NFXL1: variants seen among roughly 807,000 people sequenced by gnomAD.
NFXL1 encodes the protein NF-X1-type zinc finger protein NFXL1.
In NFXL1, 66 loss-of-function variants were observed where a neutral mutation model predicts 123.3. The ratio of observed to expected loss-of-function variants is 0.54; its 90% CI spans 0.44 to 0.66. NFXL1 has a LOEUF of 0.66. NFXL1 is among the 30% of genes least tolerant of loss of function. The probability of loss-of-function intolerance (pLI) is 0.00; values close to 1 mark genes in which losing one functional copy is unlikely to be tolerated. For synonymous variants in NFXL1, 346 were observed against 360.8 expected, an observed-to-expected ratio of 0.96 and a Z score of 0.46; for missense variants, 944 against 1,125.6, an observed-to-expected ratio of 0.84 and a Z score of 2.31.
intron 17 of NFXL1, among the ~76,000 whole-genome samples, 186 bp downstream of exon 17, chr4:47,878,339 C>A (rs1287532286): frequency 6.6e-6 from 1 of 151,866 alleles, no homozygotes; most frequent in African/African-American, 2.4e-5. Context: ...GGAATAAAGA[C>A]ACAGAACTAT....
intron 3 of NFXL1, among the ~76,000 whole-genome samples, chr4:47,907,471 T>C (rs191656894): frequency 6.6e-6 from 1 of 152,322 alleles, no homozygotes; most frequent in East Asian, 1.9e-4. Context: ...AAGTTTGAAA[T>C]TTGAGAGAAG....
At chr4:47,857,550 A>G (rs1000908335) in intron 19 of NFXL1, among the ~76,000 whole-genome samples, 1 of 152,158 alleles carries the variant, frequency 6.6e-6, no homozygotes, top group Admixed American at 6.5e-5. Flanking sequence ...TCACAATTTC[A>G]TTGACGACTT....
chr4:47,912,373 T>C (rs1020789157), intron 2 of NFXL1, among the ~76,000 whole-genome samples: 4 of 152,132 alleles, frequency 2.6e-5, no homozygotes, highest in African/African-American at 9.7e-5. Context: ...AAAGAGAAGC[T>C]GACAAGACAA....
chr4:47,849,810 C>T (rs1301372878), intron 22 of NFXL1, among the ~76,000 whole-genome samples: 1 of 152,130 alleles, frequency 6.6e-6, no homozygotes, highest in Non-Finnish European at 1.5e-5. Context: ...CAAGTCTCTA[C>T]ATAAATAGTG....
chr4:47,888,432 CTG>C (rs1303460453), intron 12 of NFXL1, among the ~76,000 whole-genome samples: 1 of 152,100 alleles, frequency 6.6e-6, no homozygotes, highest in Non-Finnish European at 1.5e-5. Flanking sequence ...TCTTTTATAA[CTG>C]TAGATGAAAC....
Position 47,898,798 on chromosome 4 carries a change from C to A in NFXL1, c.1048G>T (p.Ala350Ser). Reference sequence around the variant, plus strand: ...AGTGGACTTGCACAACTTCTTTCAGCTACTTTTTTGCCACAGACACACTTT... The same window carrying A: ...AGTGGACTTGCACAACTTCTTTCAGATACTTTTTTGCCACAGACACACTTT... ...RQKCVCGKKV[A>S]ERSCASPLWH... The change falls in exon 8 of 23, where the codon GCT becomes TCT. Residue 350 changes from alanine (A) to serine (S), a missense_variant. By Grantham distance (99) the Ala-to-Ser change is moderately conservative. Transcript: ENST00000507489. The A allele has an allele frequency of 6.2e-7, 1 of 1,613,920 alleles. No individual in the cohort carries two copies. The highest frequency in any genetic ancestry group is 8.5e-7 in the Non-Finnish European group (1 of 1,179,854).
intron 3 of NFXL1, among the ~76,000 whole-genome samples, chr4:47,910,021 A>G (rs1737749239): frequency 6.6e-6 from 1 of 152,224 alleles, no homozygotes; most frequent in African/African-American, 2.4e-5. Flanking sequence ...GTTTAATAAT[A>G]TTTACATTTA....
intron 11 of NFXL1, among the ~76,000 whole-genome samples, chr4:47,891,106 CTTTTTTTCT>C (rs1481766604): frequency 1.5e-5 from 2 of 133,236 alleles, no homozygotes; most frequent in African/African-American, 2.5e-5. Flanking sequence ...TTTTCTTTTT[CTTTTTTTCT>C]TTTTTTTTTT....
chr4:47,885,686 T>C (rs1712640946), intron 13 of NFXL1, 29 bp from the exon 14 acceptor site: 1 of 1,582,630 alleles, frequency 6.3e-7, no homozygotes, highest in African/African-American at 1.3e-5. Context: ...TTTTCAAAAA[T>C]TACTTTTAGT....
intron 3 of NFXL1, among the ~76,000 whole-genome samples, chr4:47,907,031 T>G (rs573586084): frequency 6.6e-6 from 1 of 152,182 alleles, no homozygotes; most frequent in African/African-American, 2.4e-5. Flanking sequence ...GTAAAACTAG[T>G]AGTAACAGTT....
rs545352375 is a variant in NFXL1 at position 47,885,491 on chromosome 4, C to T, written c.1824+7G>A. 14 of 1,606,320 alleles carry T rather than the reference C, an allele frequency of 8.7e-6. No individual in the cohort carries two copies. Among genetic ancestry groups the T allele is most frequent in the Non-Finnish European group, 1.2e-5 (14 of 1,173,842 alleles). On this transcript the variant is annotated splice_region_variant and intron_variant, in intron 14 of 22. Transcript: ENST00000507489. ...GCACTATTTCTCTAATAGTATTATT[C>T]CCTTACCCTGCCAGTCTGCTTTATT...
chr4:47,908,713 T>G (rs1359897229), intron 3 of NFXL1, among the ~76,000 whole-genome samples: 1 of 152,064 alleles, frequency 6.6e-6, no homozygotes, highest in African/African-American at 2.4e-5. Flanking sequence ...CCCAGCACTT[T>G]GGGAGGCCGA....
At chr4:47,886,401 A>G (rs1736434254) in intron 12 of NFXL1, among the ~76,000 whole-genome samples, 1 of 151,928 alleles carries the variant, frequency 6.6e-6, no homozygotes, top group Admixed American at 6.6e-5. Flanking sequence ...CAGGGTCTCA[A>G]CCTGTTGCTC....
chr4:47,898,569 T>G (rs977198861), intron 8 of NFXL1, among the ~76,000 whole-genome samples, 188 bp downstream of exon 8: 10 of 152,094 alleles, frequency 6.6e-5, no homozygotes, highest in African/African-American at 2.2e-4. Flanking sequence ...TGAAAAAAAT[T>G]TTTCCTCTAA....
intron 22 of NFXL1, among the ~76,000 whole-genome samples, chr4:47,848,703 C>T (rs1182428666): frequency 2.0e-5 from 3 of 152,096 alleles, no homozygotes; most frequent in Non-Finnish European, 2.9e-5. Flanking sequence ...TCCTGGCTAA[C>T]ATGGTGAAAC....
intron 5 of NFXL1, 141 bp downstream of exon 5, chr4:47,903,052 G>A: frequency 2.5e-6 from 1 of 396,776 alleles, no homozygotes; most frequent in Non-Finnish European, 4.6e-6. Context: ...CTACTCAGGA[G>A]GCTGAGACAG....
rs530127250 is a variant in NFXL1, at chr4:47,914,141, G to A, written c.63C>T (p.Ala21=). The change falls in exon 2 of 23, where the codon GCC becomes GCT. Residue 21 remains alanine, a synonymous_variant. Transcript: ENST00000507489. The part of the protein sequence containing the change: ...GRGRSRGRAT[A]APSGNGVHLR... ...GATGGACTCCATTTCCTGAGGGGGC[G>A]GCAGTGGCCCGTCCCCGGGATCGGC... The A allele has an allele frequency of 1.9e-6, 3 of 1,552,922 alleles. No homozygotes were observed. Among genetic ancestry groups the A allele is most frequent in the East Asian group, 4.8e-5 (2 of 41,384 alleles).
At chr4:47,893,229 T>C (rs1223725548) in intron 11 of NFXL1, among the ~76,000 whole-genome samples, 1 of 151,846 alleles carries the variant, frequency 6.6e-6, no homozygotes, top group Non-Finnish European at 1.5e-5. Flanking sequence ...ATAACATACA[T>C]GTCCTTAAAG....
intron 12 of NFXL1, among the ~76,000 whole-genome samples, chr4:47,888,267 C>T (rs190021353): frequency 1.2e-4 from 18 of 152,222 alleles, no homozygotes; most frequent in Middle Eastern, 6.8e-3. Context: ...AGAGAGACTC[C>T]GTCTCAAAGA....
Sources: gnomAD v4.1 joint callset for allele counts (sites outside exome capture counted in the v4.1 genomes callset) on GRCh38, gnomAD v4.1.1 for gene constraint, MANE v1.5 for transcripts, NCBI Gene and HGNC (gene_info 2026-07-23, HGNC 2026-07-21) for gene names.